ZNF69: variants seen among roughly 807,000 people sequenced by gnomAD.
ZNF69 encodes the protein zinc finger protein 69.
Under a neutral mutation model 50.9 loss-of-function variants are expected in ZNF69, and 47 were observed. The observed-to-expected ratio is 0.92, with a 90% CI of 0.73 to 1.18. The LOEUF (loss-of-function observed/expected upper bound fraction) is 1.18. Among genes scored for constraint, ZNF69 ranks in the 50% most tolerant of loss-of-function variants. ZNF69 has a pLI of 0.00. For missense variants in ZNF69, 717 were observed against 675.1 expected (o/e 1.06, Z -0.69); for synonymous variants, 216 against 223.1 (o/e 0.97, Z 0.29).
the ZNF69 span, among the ~76,000 whole-genome samples, chr19:11,975,570 C>T: frequency 1.3e-5 from 2 of 151,780 alleles, no homozygotes; most frequent in African/African-American, 4.8e-5. Context: ...GCCAATTTTT[C>T]GTATTTTTAG....
At chr19:11,951,019 C>T in the ZNF69 span, among the ~76,000 whole-genome samples, 5 of 151,208 alleles carry the variant, frequency 3.3e-5, no homozygotes, top group Admixed American at 2.0e-4. Flanking sequence ...GGCATGGTGG[C>T]GCGCACCGGT....
intron 1 of ZNF69, among the ~76,000 whole-genome samples, chr19:11,899,108 T>A (rs1972189593): frequency 6.6e-6 from 1 of 152,148 alleles, no homozygotes; most frequent in African/African-American, 2.4e-5. Context: ...ATCTCTCCCT[T>A]CCCTCTTTTG....
rs777634257 is a variant in ZNF69, at chr19:11,895,446, T to C, written c.63+7460T>C. 6.6e-5 allele frequency among the ~76,000 whole-genome samples: 10 copies of C among 152,306 alleles called. No homozygotes were observed. The Middle Eastern group carries it at 0.01, about 155-fold the overall frequency. ...GAGACGTCGCTCAGGGAGTTGTTTCTGGTGGATTTAGAGCAAGCAGGCACT... is the reference window on the plus strand; with the variant it reads ...GAGACGTCGCTCAGGGAGTTGTTTCCGGTGGATTTAGAGCAAGCAGGCACT... On this transcript the variant is annotated intron_variant, in intron 1 of 3. Coordinates refer to ENST00000429654, the MANE Select transcript of ZNF69 (RefSeq NM_001364730.1).
the ZNF69 span, chr19:11,980,219 A>C: frequency 2.4e-6 from 1 of 414,814 alleles, no homozygotes; most frequent in Non-Finnish European, 4.3e-6. Context: ...TGTCTCTACT[A>C]AAACTACAAA....
At chr19:11,901,226 T>C (rs1972237008) in intron 1 of ZNF69, among the ~76,000 whole-genome samples, 1 of 152,212 alleles carries the variant, frequency 6.6e-6, no homozygotes, top group Non-Finnish European at 1.5e-5. Flanking sequence ...ATGTTCCTAG[T>C]GCCTCTCTTG....
At chr19:11,944,469 A>T in the ZNF69 span, among the ~76,000 whole-genome samples, 1 of 152,062 alleles carries the variant, frequency 6.6e-6, no homozygotes, top group African/African-American at 2.4e-5. Context: ...GTGATCCCCA[A>T]TACCTTTGCT....
chr19:11,926,360 G>T, the ZNF69 span, among the ~76,000 whole-genome samples: 2 of 152,110 alleles, frequency 1.3e-5, no homozygotes, highest in Admixed American at 6.5e-5. Context: ...GGTCCTGTTG[G>T]CCAAGAGCCG....
chr19:11,955,280 G>A, the ZNF69 span, among the ~76,000 whole-genome samples: 1 of 151,992 alleles, frequency 6.6e-6, no homozygotes, highest in Non-Finnish European at 1.5e-5. Flanking sequence ...TGGGATACAG[G>A]CGTGAGATAC....
the ZNF69 span, chr19:11,965,016 C>A: frequency 1.6e-4 from 90 of 560,966 alleles, no homozygotes; most frequent in East Asian, 4.0e-4. Context: ...CATTGTTTAT[C>A]CAGGCACAGA....
the ZNF69 span, chr19:11,956,685 A>G: frequency 7.6e-6 from 3 of 394,652 alleles, no homozygotes; most frequent in Admixed American, 8.8e-5. Context: ...GCGAAACCCC[A>G]TCTCTACTAA....
the ZNF69 span, among the ~76,000 whole-genome samples, chr19:11,928,103 C>G: frequency 6.6e-6 from 1 of 152,060 alleles, no homozygotes; most frequent in Non-Finnish European, 1.5e-5. Context: ...TCAAGCACCT[C>G]CGCCTCTCAA....
chr19:11,965,528 T>G, the ZNF69 span, among the ~76,000 whole-genome samples: 1 of 152,250 alleles, frequency 6.6e-6, no homozygotes, highest in Non-Finnish European at 1.5e-5. Flanking sequence ...GGGGAAATCC[T>G]GACTCGTGTG....
intron 1 of ZNF69, 34 bp from the exon 2 acceptor site, chr19:11,903,539 A>G (rs1568278161): frequency 1.9e-6 from 3 of 1,612,018 alleles, no homozygotes; most frequent in Non-Finnish European, 2.5e-6. Flanking sequence ...TGTCACTCTC[A>G]CCCATCCTCC....
At chr19:11,954,154 C>A in the ZNF69 span, among the ~76,000 whole-genome samples, 1 of 151,986 alleles carries the variant, frequency 6.6e-6, no homozygotes, top group Non-Finnish European at 1.5e-5. Flanking sequence ...AGAATGAAGA[C>A]CCACCCAACA....
At chr19:11,892,169 G>A (rs2033780627) in intron 1 of ZNF69, among the ~76,000 whole-genome samples, 1 of 139,488 alleles carries the variant, frequency 7.2e-6, no homozygotes, top group Admixed American at 7.5e-5. Flanking sequence ...GTATGCAGGT[G>A]GCATCTTGAT....
the ZNF69 span, among the ~76,000 whole-genome samples, chr19:11,920,274 G>A: frequency 6.6e-6 from 1 of 151,882 alleles, no homozygotes; most frequent in Non-Finnish European, 1.5e-5. Flanking sequence ...ACCATGTCCG[G>A]ATAATTTTTG....
chr19:11,946,284 G>A, the ZNF69 span, among the ~76,000 whole-genome samples: 3 of 152,156 alleles, frequency 2.0e-5, no homozygotes, highest in Non-Finnish European at 2.9e-5. Context: ...TGTTCTGGGT[G>A]GTCTAGGGGT....
At chr19:11,917,235 C>T (rs1483221263), downstream of ZNF69, among the ~76,000 whole-genome samples, 1 of 152,174 alleles carries the variant, frequency 6.6e-6, no homozygotes, top group Non-Finnish European at 1.5e-5. Flanking sequence ...TGGTGTTCAG[C>T]AAGCACCACA....
the ZNF69 span, among the ~76,000 whole-genome samples, chr19:11,932,152 A>T: frequency 4.1e-4 from 61 of 147,520 alleles, 3 homozygotes; most frequent in Non-Finnish European, 6.6e-4. Flanking sequence ...AAAATAAATT[A>T]GTCCAGCCTG....
Sources: allele counts gnomAD v4.1 joint callset (sites outside exome capture counted in the v4.1 genomes callset), GRCh38; gene constraint gnomAD v4.1.1; transcripts MANE v1.5; gene names NCBI Gene and HGNC (gene_info 2026-07-23, HGNC 2026-07-21).